DAD1: variants seen among roughly 807,000 people sequenced by gnomAD.
DAD1 encodes the protein dolichyl-diphosphooligosaccharide--protein glycosyltransferase subunit DAD1.
A neutral mutation model predicts 9.0 loss-of-function variants in DAD1; 4 were observed. That is an observed-to-expected ratio of 0.44 (90% CI 0.22 to 1.01). The LOEUF (loss-of-function observed/expected upper bound fraction) is 1.01. Among genes scored for constraint, DAD1 ranks in the 50% least tolerant of loss-of-function variants. The pLI is 0.24. For missense variants in DAD1, 119 were observed against 137.3 expected, an observed-to-expected ratio of 0.87 and a Z score of 0.67; for synonymous variants, 60 against 62.5, an observed-to-expected ratio of 0.96 and a Z score of 0.19.
At chr14:22,571,625 C>A (rs1198066989) in intron 2 of DAD1, among the ~76,000 whole-genome samples, 2 of 109,846 alleles carry the variant, frequency 1.8e-5, no homozygotes, top group Non-Finnish European at 3.6e-5. Context: ...GCAAGGGGCT[C>A]TTTTTTTTTT....
At chr14:22,569,157 G>A (rs888961260) in intron 2 of DAD1, among the ~76,000 whole-genome samples, 10 of 152,068 alleles carry the variant, frequency 6.6e-5, no homozygotes, top group African/African-American at 2.2e-4. Flanking sequence ...TTATTTGGCC[G>A]GGCACAGTGG....
At chr14:22,580,094 A>C (rs1277166286) in intron 1 of DAD1, among the ~76,000 whole-genome samples, 2 of 151,964 alleles carry the variant, frequency 1.3e-5, no homozygotes, top group Non-Finnish European at 2.9e-5. Context: ...TAGGGATTAC[A>C]GACATGAGCC....
chr14:22,570,660 T>C (rs5742828), intron 2 of DAD1, among the ~76,000 whole-genome samples: 14,541 of 152,240 alleles, frequency 0.096, 1,294 homozygotes, highest in African/African-American at 0.23. Context: ...AAAGCCAACA[T>C]AATTTCATGT....
intron 1 of DAD1, among the ~76,000 whole-genome samples, chr14:22,579,765 C>G (rs905772566): frequency 6.0e-5 from 9 of 150,060 alleles, no homozygotes; most frequent in Non-Finnish European, 1.2e-4. Context: ...TGCAATTATT[C>G]AAAAGAATAA....
At position 22,573,162 on chromosome 14, in the gene DAD1, G is replaced by A. The variant is rs570845842; in HGVS notation, c.*44+1897C>T. On this transcript the variant is annotated intron_variant, in intron 2 of 2. Transcript: ENST00000250498. Reference sequence around the variant, plus strand: ...CTACTAGACTGTACATGTCTTGAAGGCAGAAGCCACACTTTTGGGTTTTTT... The same window carrying A: ...CTACTAGACTGTACATGTCTTGAAGACAGAAGCCACACTTTTGGGTTTTTT... Among the ~76,000 whole-genome samples the A allele has an allele frequency of 1.3e-4, 19 of 151,376 alleles. No homozygotes were observed. In the East Asian group the frequency reaches 3.7e-3, roughly 29 times the overall value.
chr14:22,587,196 A>G (rs764760298), intron 1 of DAD1, among the ~76,000 whole-genome samples: 6 of 152,220 alleles, frequency 3.9e-5, no homozygotes, highest in Non-Finnish European at 7.3e-5. Context: ...CCCACTCTTC[A>G]GCAAACCACA....
chr14:22,572,681 T>C (rs17119928), intron 2 of DAD1, among the ~76,000 whole-genome samples: 138,093 of 152,274 alleles, frequency 0.91, 63,174 homozygotes, highest in East Asian at 1. Context: ...CAGTAGAGTC[T>C]TCCTCCAATC....
rs1229178694 is a variant in DAD1, at chr14:22,589,042, G to A, written c.116C>T (p.Ala39Val). The A allele has an allele frequency of 6.2e-7, 1 of 1,614,036 alleles. No homozygotes were observed. Among genetic ancestry groups the A allele is most frequent in the African/African-American group, 1.3e-5 (1 of 74,904 alleles). The change falls in exon 1 of 3, where the codon GCG (alanine) becomes GTG (valine). Residue 39 changes from alanine (A) to valine (V), a missense_variant. Transcript: ENST00000250498. ...AYLLYILLTG[A>V]LQFGYCLLVG... ...GAGGAGACAGTAACCGAACTGCAGC[G>A]CCCCGGTCAGCAGTATATACAGCAG... is the stretch of plus-strand genomic sequence containing the variant.
rs916738981 is a variant in DAD1 at position 22,564,970 on chromosome 14, C to G, written c.*212G>C. On this transcript the variant is annotated 3_prime_UTR_variant, in exon 3 of 3. Coordinates refer to ENST00000250498, the MANE Select transcript of DAD1 (RefSeq NM_001344.4). ...GGTTACATTTAATGAAAGGCAGAGG[C>G]TGGATTAATAAATGTTTGTTAGAAA... The G allele has an allele frequency of 1.6e-6, 1 of 614,416 alleles. No individual in the cohort carries two copies. Among genetic ancestry groups the G allele is most frequent in the Non-Finnish European group, 2.9e-6 (1 of 344,198 alleles). 38.1% of individuals were successfully genotyped at this position (614,416 alleles called of 1,614,324 possible).
chr14:22,564,923 T>A lies in DAD1; in HGVS notation c.*259A>T. 7.0e-6 allele frequency: 4 copies of A among 574,064 alleles called. No individual in the cohort carries two copies. The highest frequency in any genetic ancestry group is 2.2e-5 in the South Asian group (1 of 44,572). 35.6% of individuals were successfully genotyped at this position (574,064 alleles called of 1,614,324 possible). A position where few individuals can be genotyped will look rare whatever the true frequency, so the allele number is the denominator to read the frequency against. ...AGGCATATGGAGGAGTGGCATGGAGTTCTTTAATTTGGAAGGCAAAAGGTT... is the reference window on the plus strand; with the variant it reads ...AGGCATATGGAGGAGTGGCATGGAGATCTTTAATTTGGAAGGCAAAAGGTT... On this transcript the variant is annotated 3_prime_UTR_variant, in exon 3 of 3. Transcript: ENST00000250498.
At chr14:22,585,935 G>A (rs1486272290) in intron 1 of DAD1, among the ~76,000 whole-genome samples, 3 of 152,200 alleles carry the variant, frequency 2.0e-5, no homozygotes, top group Non-Finnish European at 2.9e-5. Context: ...TGCCGGGTGT[G>A]GTGGCTCACG....
intron 2 of DAD1, among the ~76,000 whole-genome samples, chr14:22,567,762 G>A (rs1280244878): frequency 6.6e-6 from 1 of 152,170 alleles, no homozygotes; most frequent in Admixed American, 6.5e-5. Flanking sequence ...AGCTCTGTTG[G>A]ACAGTGCTGG....
chr14:22,581,985 A>G (rs7142557), intron 1 of DAD1, among the ~76,000 whole-genome samples: 13,544 of 151,266 alleles, frequency 0.09, 1,093 homozygotes, highest in African/African-American at 0.21. Flanking sequence ...GGTGGATCAC[A>G]AGGTCAGGAA....
chr14:22,582,341 A>G (rs2037122843), intron 1 of DAD1, among the ~76,000 whole-genome samples: 1 of 149,612 alleles, frequency 6.7e-6, no homozygotes, highest in Non-Finnish European at 1.5e-5. Flanking sequence ...GGTGAGACCC[A>G]TCTCCACTAA....
chr14:22,580,786 G>C (rs1362021832), intron 1 of DAD1, among the ~76,000 whole-genome samples: 1 of 152,292 alleles, frequency 6.6e-6, no homozygotes, highest in Admixed American at 6.5e-5. Flanking sequence ...CATGCTTGGG[G>C]AGGCGTACTA....
intron 2 of DAD1, among the ~76,000 whole-genome samples, chr14:22,571,048 G>C (rs1296752631): frequency 6.6e-6 from 1 of 150,538 alleles, no homozygotes; most frequent in Non-Finnish European, 1.5e-5. Context: ...CACAGGCCAG[G>C]TGCAGTGGCT....
chr14:22,572,843 G>A (rs2037050605), intron 2 of DAD1, among the ~76,000 whole-genome samples: 2 of 152,136 alleles, frequency 1.3e-5, no homozygotes, highest in Admixed American at 1.3e-4. Flanking sequence ...GCAATCAGAA[G>A]ACATGACCTT....
At position 22,582,862 on chromosome 14, in the gene DAD1, C is replaced by T. The variant is rs146877034; in HGVS notation, c.211+6085G>A. On this transcript the variant is annotated intron_variant, in intron 1 of 2. Transcript: ENST00000250498. The stretch of plus-strand genomic sequence containing the variant: ...CTCTACTAAAAATACAAAAATTAGC[C>T]GGGCATGGGGGAGCGTGCCTGTAAT... 1.8e-4 allele frequency among the ~76,000 whole-genome samples: 28 copies of T among 152,036 alleles called. No individual in the cohort carries two copies. In the East Asian group the frequency reaches 4.9e-3, roughly 26 times the overall value.
intron 2 of DAD1, among the ~76,000 whole-genome samples, chr14:22,570,005 A>C (rs923808444): frequency 4.6e-5 from 7 of 152,170 alleles, no homozygotes; most frequent in African/African-American, 7.2e-5. Flanking sequence ...TTCTAAACAG[A>C]GAAAAATGAG....
Sources: allele counts gnomAD v4.1 joint callset (sites outside exome capture counted in the v4.1 genomes callset), GRCh38; gene constraint gnomAD v4.1.1; transcripts MANE v1.5; gene names NCBI Gene and HGNC (gene_info 2026-07-23, HGNC 2026-07-21).